The following CRBN variants were observed in gnomAD, a reference collection of about 807,000 sequenced individuals.
CRBN encodes cereblon, also known as protein cereblon.
CRBN carries 53 observed loss-of-function variants against 62.2 expected under a neutral mutation model. That is an observed-to-expected ratio of 0.85 (90% confidence interval 0.68 to 1.07). The LOEUF is 1.07. CRBN is among the 50% of genes least tolerant of loss of function. CRBN has a pLI of 0.00. For synonymous variants in CRBN, 208 were observed against 176.1 expected, an observed-to-expected ratio of 1.18 and a Z score of -1.43; for missense variants, 616 against 531.1, an observed-to-expected ratio of 1.16 and a Z score of -1.57.
At chr3:3,160,704 T>G (rs1030108925) in intron 5 of CRBN, among the ~76,000 whole-genome samples, 1 of 152,248 alleles carries the variant, frequency 6.6e-6, no homozygotes, top group African/African-American at 2.4e-5. Context: ...TCAATGGTAG[T>G]CACTGAAAAG....
chr3:3,165,903 G>T (rs1300585509), intron 5 of CRBN, among the ~76,000 whole-genome samples: 1 of 152,108 alleles, frequency 6.6e-6, no homozygotes, highest in Non-Finnish European at 1.5e-5. Flanking sequence ...CATACTTTTA[G>T]GCACTAAATG....
chr3:3,165,632 A>G (rs1707298005), intron 5 of CRBN, among the ~76,000 whole-genome samples: 1 of 152,214 alleles, frequency 6.6e-6, no homozygotes, highest in African/African-American at 2.4e-5. Flanking sequence ...TATTGTACAC[A>G]TGATAGACTA....
chr3:3,172,958 G>C (rs1445247565), intron 3 of CRBN, 33 bp from the exon 4 acceptor site: 2 of 1,578,992 alleles, frequency 1.3e-6, no homozygotes, highest in Non-Finnish European at 1.7e-6. Flanking sequence ...AAAGAATTTT[G>C]AACATTTGAG....
intron 4 of CRBN, among the ~76,000 whole-genome samples, chr3:3,169,937 C>T (rs1051473565): frequency 6.6e-6 from 1 of 151,994 alleles, no homozygotes; most frequent in South Asian, 2.1e-4. Context: ...CCCACCCCCC[C>T]TCCGCCCTCC....
chr3:3,176,164 A>T (rs1707817997), intron 1 of CRBN, among the ~76,000 whole-genome samples: 1 of 152,044 alleles, frequency 6.6e-6, no homozygotes, highest in South Asian at 2.1e-4. Flanking sequence ...TATATGGGAG[A>T]TTTTTCTCTT....
In CRBN at chr3:3,179,683, G is replaced by A. The variant is rs1707995715; in HGVS notation, c.5C>T (p.Ala2Val). The A allele has an allele frequency of 6.2e-7, 1 of 1,613,118 alleles. No individual in the cohort carries two copies. Among genetic ancestry groups the A allele is most frequent in the Non-Finnish European group, 8.5e-7 (1 of 1,179,464 alleles). The part of the protein sequence containing the change: M[A>V]GEGDQQDAAH... The stretch of plus-strand genomic sequence containing the variant: ...AGCGTCCTGCTGATCTCCTTCGCCG[G>A]CCATGTCTGTTTACCCGCAAAGGAG... The change falls in exon 1 of 11, where the codon GCC (alanine) becomes GTC (valine). Residue 2 changes from alanine to valine, a missense_variant. Ala to Val is a moderately conservative substitution (Grantham distance 64). Coordinates refer to ENST00000231948, the MANE Select transcript of CRBN (RefSeq NM_016302.4).
chr3:3,170,547 C>A (rs1267290890), intron 4 of CRBN, among the ~76,000 whole-genome samples: 4 of 152,136 alleles, frequency 2.6e-5, no homozygotes, highest in Non-Finnish European at 4.4e-5. Flanking sequence ...ATTACTTAAC[C>A]TCTCTAGTAC....
At chr3:3,154,195 A>G (rs770122115) in intron 7 of CRBN, 120 bp from the exon 8 acceptor site, 2 of 678,444 alleles carry the variant, frequency 2.9e-6, no homozygotes, top group Non-Finnish European at 5.3e-6. Context: ...CATTTTATAC[A>G]AGTATAAACA....
rs187652478 is a variant in CRBN at position 3,168,454 on chromosome 3, C to T, written c.528-661G>A. ...ATGCTACTTGAGAATATCATAATTG[C>T]AAACATCTTATCATGAACTAGTGCA... On this transcript the variant is annotated intron_variant, in intron 4 of 10. Coordinates refer to ENST00000231948, the MANE Select transcript of CRBN (RefSeq NM_016302.4). 3.9e-4 allele frequency among the ~76,000 whole-genome samples: 59 copies of T among 152,200 alleles called. No homozygotes were observed. The East Asian group carries it at 9.5e-3, about 24-fold the overall frequency.
chr3:3,159,957 G>A (rs1669336), intron 5 of CRBN, among the ~76,000 whole-genome samples: 1 of 151,916 alleles, frequency 6.6e-6, no homozygotes, highest in African/African-American at 2.4e-5. Flanking sequence ...TCATAAAATG[G>A]TTATACCTCA....
intron 4 of CRBN, among the ~76,000 whole-genome samples, chr3:3,169,642 G>C (rs982839031): frequency 2.0e-5 from 3 of 152,144 alleles, no homozygotes; most frequent in African/African-American, 7.2e-5. Flanking sequence ...TGCTTCAATG[G>C]AAAGACCTTG....
intron 3 of CRBN, 55 bp from the exon 4 acceptor site, chr3:3,172,980 T>G (rs1333520433): frequency 7.3e-7 from 1 of 1,369,846 alleles, no homozygotes; most frequent in African/African-American, 1.4e-5. Flanking sequence ...TTTAAATATA[T>G]GCAAAGTAGG....
chr3:3,164,690 T>C (rs1200162606), intron 5 of CRBN, among the ~76,000 whole-genome samples: 2 of 152,234 alleles, frequency 1.3e-5, no homozygotes, highest in Non-Finnish European at 2.9e-5. Context: ...TTATAATTAT[T>C]ACTGCTCATT....
chr3:3,173,184 A>C lies in CRBN; in HGVS notation c.378-259T>G, dbSNP rs188595375. The stretch of plus-strand genomic sequence containing the variant: ...GTGATTCTCCTGCCCCAGCTGCCTG[A>C]GTAGCTGGGATTACAGGCACATACC... On this transcript the variant is annotated intron_variant, in intron 3 of 10. Transcript: ENST00000231948. Among the ~76,000 whole-genome samples the C allele has an allele frequency of 3.7e-3, 566 of 152,166 alleles. 2 individuals are homozygous for C. Among genetic ancestry groups the C allele is most frequent in the Middle Eastern group, 0.014 (4 of 294 alleles).
At chr3:3,151,132 G>T in intron 10 of CRBN, 87 bp from the exon 11 acceptor site, 1 of 1,381,084 alleles carries the variant, frequency 7.2e-7, no homozygotes. Context: ...ACAGACTTTA[G>T]AGGCAAATTC....
intron 5 of CRBN, among the ~76,000 whole-genome samples, chr3:3,160,131 C>T (rs1707076804): frequency 6.6e-6 from 1 of 152,190 alleles, no homozygotes; most frequent in African/African-American, 2.4e-5. Context: ...TCACAGTCCT[C>T]CATTCTTAAG....
intron 7 of CRBN, chr3:3,154,460 G>A (rs1024295865): frequency 2.1e-6 from 1 of 486,738 alleles, no homozygotes; most frequent in African/African-American, 1.9e-5. Flanking sequence ...AGGGAAAGGA[G>A]TCCTTACACA....
rs1225360245 is a variant in CRBN at position 3,150,694 on chromosome 3, T to C, written c.*171A>G. The C allele has an allele frequency of 1.5e-6, 1 of 648,288 alleles. No homozygotes were observed. Among genetic ancestry groups the C allele is most frequent in the Admixed American group, 2.9e-5 (1 of 34,460 alleles). 40.2% of individuals were successfully genotyped at this position (648,288 alleles called of 1,614,324 possible). A position where few individuals can be genotyped will look rare whatever the true frequency, so the allele number is the denominator to read the frequency against. ...TCATGCTTGTTTCCTAAAGTATACT[T>C]AAAAGTTTCAAATACAGTTTCACTT... On this transcript the variant is annotated 3_prime_UTR_variant, in exon 11 of 11. Coordinates refer to ENST00000231948, the MANE Select transcript of CRBN (RefSeq NM_016302.4).
Position 3,150,540 on chromosome 3 carries a change from G to T in CRBN, c.*325C>A. 1 of 212,940 alleles carries T rather than the reference G, an allele frequency of 4.7e-6. No homozygotes were observed. Among genetic ancestry groups the T allele is most frequent in the South Asian group, 7.0e-5 (1 of 14,258 alleles). 13.2% of individuals were successfully genotyped at this position (212,940 alleles called of 1,614,324 possible). On this transcript the variant is annotated 3_prime_UTR_variant, in exon 11 of 11. Transcript: ENST00000231948. Reference sequence around the variant, plus strand: ...AAGATTTTTTTTTTTTTTAACACAGGAAATAATCTCATCATTTCCAAAGAT... The same window carrying T: ...AAGATTTTTTTTTTTTTTAACACAGTAAATAATCTCATCATTTCCAAAGAT...
Sources: allele counts gnomAD v4.1 joint callset (sites outside exome capture counted in the v4.1 genomes callset), GRCh38; gene constraint gnomAD v4.1.1; transcripts MANE v1.5; gene names NCBI Gene and HGNC (gene_info 2026-07-23, HGNC 2026-07-21).